Variants in CDH2 observed in about 807,000 individuals in gnomAD.
CDH2 encodes the protein cadherin-2.
CDH2 carries 17 observed loss-of-function variants against 92.0 expected under a neutral mutation model. That is an observed-to-expected ratio of 0.18 (90% CI 0.13 to 0.28). The LOEUF (loss-of-function observed/expected upper bound fraction) is 0.28. CDH2 is among the 10% of genes least tolerant of loss of function. The pLI, the probability that CDH2 is intolerant of heterozygous loss-of-function variation, is 1.00. For synonymous variants in CDH2, 419 were observed against 415.9 expected, an observed-to-expected ratio of 1.01 and a Z score of -0.09; for missense variants, 862 against 1,133.1, an observed-to-expected ratio of 0.76 and a Z score of 3.44.
intron 15 of CDH2, among the ~76,000 whole-genome samples, chr18:27,957,779 T>A (rs1475381810): frequency 6.6e-6 from 1 of 152,186 alleles, no homozygotes; most frequent in Admixed American, 6.5e-5. Flanking sequence ...ATTTAAGACA[T>A]ATGTGGATAT....
Position 28,177,046 on chromosome 18 carries a change from A to G in CDH2, c.-24T>C. On this transcript the variant is annotated 5_prime_UTR_variant, in exon 1 of 16. Coordinates refer to ENST00000269141, the MANE Select transcript of CDH2 (RefSeq NM_001792.5). ...ATGGAGGCGGAGAGGGGCCGAGCGA[A>G]GAGCCGGAGGAGGCGGCGGCGGCGG... The G allele has an allele frequency of 2.7e-6, 4 of 1,466,352 alleles. No individual in the cohort carries two copies. In the South Asian group the frequency reaches 5.1e-5, roughly 19 times the overall value. The allele number at this position is 1,466,352 out of a possible 1,614,324, so 90.8% of individuals were successfully genotyped here. A position where few individuals can be genotyped will look rare whatever the true frequency, so the allele number is the denominator to read the frequency against.
intron 2 of CDH2, among the ~76,000 whole-genome samples, chr18:28,022,043 C>A (rs112370734): frequency 5.9e-5 from 9 of 151,908 alleles, no homozygotes; most frequent in African/African-American, 2.2e-4. Context: ...GAAACTGCCA[C>A]AACAGTAAGT....
At chr18:28,161,894 G>T (rs960693166) in intron 1 of CDH2, among the ~76,000 whole-genome samples, 6 of 152,088 alleles carry the variant, frequency 3.9e-5, no homozygotes, top group Non-Finnish European at 1.5e-5. Flanking sequence ...TTTTCTTCCT[G>T]TCAGAGCCAC....
At chr18:27,954,091 C>G (rs1196816822) in intron 15 of CDH2, among the ~76,000 whole-genome samples, 1 of 152,112 alleles carries the variant, frequency 6.6e-6, no homozygotes, top group Non-Finnish European at 1.5e-5. Context: ...TCATTTTATA[C>G]TGTTTATACT....
At chr18:28,057,880 A>C (rs1438202356) in intron 2 of CDH2, among the ~76,000 whole-genome samples, 1 of 152,170 alleles carries the variant, frequency 6.6e-6, no homozygotes, top group African/African-American at 2.4e-5. Flanking sequence ...CATTATTAAA[A>C]GTTCTATACT....
At chr18:28,171,903 T>G (rs1449431042) in intron 1 of CDH2, among the ~76,000 whole-genome samples, 1 of 152,164 alleles carries the variant, frequency 6.6e-6, no homozygotes, top group Non-Finnish European at 1.5e-5. Context: ...CTCTTGCCCT[T>G]GACACTACAC....
intron 2 of CDH2, among the ~76,000 whole-genome samples, chr18:28,133,639 AT>A (rs1335991709): frequency 6.6e-6 from 1 of 151,726 alleles, no homozygotes; most frequent in Non-Finnish European, 1.5e-5. Context: ...AATAAATAAA[AT>A]CTATTGTCAT....
intron 15 of CDH2, among the ~76,000 whole-genome samples, chr18:27,962,735 G>C (rs1174046097): frequency 6.6e-6 from 1 of 152,208 alleles, no homozygotes; most frequent in African/African-American, 2.4e-5. Flanking sequence ...AAATGTAACA[G>C]AACTCTTGGT....
chr18:28,094,196 G>C (rs1165129192), intron 2 of CDH2, among the ~76,000 whole-genome samples: 1 of 152,138 alleles, frequency 6.6e-6, no homozygotes, highest in Non-Finnish European at 1.5e-5. Context: ...AGTTAAAAGA[G>C]ATGATTGTGG....
At chr18:28,076,604 A>C (rs1217362998) in intron 2 of CDH2, among the ~76,000 whole-genome samples, 2 of 151,982 alleles carry the variant, frequency 1.3e-5, no homozygotes, top group African/African-American at 2.4e-5. Flanking sequence ...GGTTTGTTAC[A>C]TATGTATACA....
At chr18:28,008,817 T>C (rs936099511) in intron 5 of CDH2, among the ~76,000 whole-genome samples, 3 of 151,938 alleles carry the variant, frequency 2.0e-5, no homozygotes, top group Non-Finnish European at 2.9e-5. Context: ...AATGTATCAG[T>C]GGGCAAAATA....
chr18:28,004,417 G>A (rs1454355321), intron 6 of CDH2, among the ~76,000 whole-genome samples: 1 of 152,124 alleles, frequency 6.6e-6, no homozygotes. Flanking sequence ...TTGCCTAGAA[G>A]GATGTTTTCA....
At chr18:28,075,421 C>T (rs1286757410) in intron 2 of CDH2, among the ~76,000 whole-genome samples, 3 of 152,094 alleles carry the variant, frequency 2.0e-5, no homozygotes, top group Admixed American at 6.6e-5. Context: ...GCCACACACC[C>T]GATTCCAGAG....
rs1331611578 is a variant in CDH2 at position 27,993,484 on chromosome 18, G to T, written c.1158+16C>A. 1 of 1,608,564 alleles carries T rather than the reference G, an allele frequency of 6.2e-7. No individual in the cohort carries two copies. The highest frequency in any genetic ancestry group is 8.5e-7 in the Non-Finnish European group (1 of 1,177,686). ...ACTACAGACCCAAAGTTGTGTGAGT[G>T]ACAGGCTGTACTCACCGTCATGGCA... On this transcript the variant is annotated intron_variant, in intron 8 of 15. Transcript: ENST00000269141.
chr18:28,027,716 G>C (rs1332710934), intron 2 of CDH2, among the ~76,000 whole-genome samples: 2 of 151,976 alleles, frequency 1.3e-5, no homozygotes, highest in African/African-American at 4.8e-5. Flanking sequence ...TTTTTAAGCT[G>C]TTCTTCACTT....
At chr18:28,063,101 C>T (rs1039788210) in intron 2 of CDH2, among the ~76,000 whole-genome samples, 4 of 152,118 alleles carry the variant, frequency 2.6e-5, no homozygotes, top group African/African-American at 9.7e-5. Context: ...ACTGTATGTC[C>T]TCATAAGTCT....
chr18:28,083,794 A>T (rs1304335163), intron 2 of CDH2, among the ~76,000 whole-genome samples: 1 of 152,228 alleles, frequency 6.6e-6, no homozygotes, highest in African/African-American at 2.4e-5. Flanking sequence ...AATGGACATA[A>T]GACTAGTTAG....
chr18:28,097,241 C>T (rs957257283), intron 2 of CDH2: 1 of 152,038 alleles, frequency 6.6e-6, no homozygotes, highest in Non-Finnish European at 1.5e-5. Flanking sequence ...AATTTAGATA[C>T]CTGTGTTTCA....
chr18:28,024,249 A>G (rs1339189485), intron 2 of CDH2, among the ~76,000 whole-genome samples: 1 of 152,102 alleles, frequency 6.6e-6, no homozygotes, highest in African/African-American at 2.4e-5. Context: ...TAAGAGAATC[A>G]TCATTATATT....
Sources: allele counts gnomAD v4.1 joint callset (sites outside exome capture counted in the v4.1 genomes callset), GRCh38; gene constraint gnomAD v4.1.1; transcripts MANE v1.5; gene names NCBI Gene and HGNC (gene_info 2026-07-23, HGNC 2026-07-21).